NNT: variants seen among roughly 807,000 people sequenced by gnomAD.
The protein encoded by NNT is NAD(P) transhydrogenase, mitochondrial.
In NNT, 50 loss-of-function variants were observed where a neutral mutation model predicts 104.8. That is an observed-to-expected ratio of 0.48 (90% confidence interval 0.38 to 0.60). The LOEUF (loss-of-function observed/expected upper bound fraction) is 0.60. Ranked by LOEUF, NNT falls within the 20% of genes least tolerant of loss-of-function variation. NNT has a pLI of 0.00. For missense variants in NNT, 1,131 were observed against 1,330.7 expected (o/e 0.85, Z 2.33); for synonymous variants, 461 against 490.4 (o/e 0.94, Z 0.79).
At chr5:43,692,470 C>T (rs1260926750) in intron 19 of NNT, among the ~76,000 whole-genome samples, 1 of 152,114 alleles carries the variant, frequency 6.6e-6, no homozygotes, top group African/African-American at 2.4e-5. Context: ...GTTACAGGCA[C>T]CCACCACCAT....
At chr5:43,641,594 A>G (rs1751244386) in intron 7 of NNT, among the ~76,000 whole-genome samples, 1 of 152,148 alleles carries the variant, frequency 6.6e-6, no homozygotes, top group Non-Finnish European at 1.5e-5. Flanking sequence ...GTATATATAA[A>G]TGAGAAACAT....
intron 17 of NNT, among the ~76,000 whole-genome samples, chr5:43,667,589 A>T (rs1465712596): frequency 2.0e-5 from 3 of 152,184 alleles, no homozygotes; most frequent in African/African-American, 7.2e-5. Context: ...CCTACAAAGG[A>T]CATGAACTCA....
chr5:43,675,800 T>C (rs1401427954), intron 18 of NNT, 130 bp downstream of exon 18: 1 of 673,126 alleles, frequency 1.5e-6, no homozygotes, highest in African/African-American at 1.9e-5. Context: ...CAATAGCAAA[T>C]CTATGATTAC....
rs138669858 is a variant in NNT, at chr5:43,645,443, A to G, written c.1377A>G (p.Glu459=). The change falls in exon 10 of 22, where the codon GAA becomes GAG. Residue 459 remains glutamate, a synonymous_variant. Coordinates refer to ENST00000344920, the MANE Select transcript of NNT (RefSeq NM_182977.3). ...AACAGAAGACAGTGGCTGAGCTGGA[A>G]GCTGAAAAAGCAGCTACCATTACAC... ...PVKQKTVAEL[E]AEKAATITPF... 195 of 1,576,014 alleles carry G rather than the reference A, an allele frequency of 1.2e-4. No homozygotes were observed. Among genetic ancestry groups the G allele is most frequent in the Admixed American group, 3.9e-4 (22 of 56,110 alleles).
chr5:43,625,548 A>G (rs973942359), intron 6 of NNT, among the ~76,000 whole-genome samples: 2 of 152,114 alleles, frequency 1.3e-5, no homozygotes, highest in African/African-American at 4.8e-5. Flanking sequence ...ATTGGAAAAC[A>G]TACTTGATTT....
chr5:43,666,658 T>G, intron 17 of NNT: 2 of 610,434 alleles, frequency 3.3e-6, no homozygotes, highest in Non-Finnish European at 5.6e-6. Flanking sequence ...GCCTCAGGTT[T>G]ATTTGTACAA....
intron 1 of NNT, among the ~76,000 whole-genome samples, chr5:43,604,592 A>T (rs895507653): frequency 1.3e-5 from 2 of 152,172 alleles, no homozygotes; most frequent in African/African-American, 4.8e-5. Flanking sequence ...GTGTTGTGCA[A>T]AGCACTGGGG....
intron 5 of NNT, among the ~76,000 whole-genome samples, chr5:43,623,806 CT>C (rs1309676283): frequency 2.0e-5 from 3 of 152,090 alleles, no homozygotes; most frequent in African/African-American, 7.2e-5. Context: ...TGTTGTTGGC[CT>C]TTGCTAGCAG....
intron 1 of NNT, among the ~76,000 whole-genome samples, 158 bp from the exon 2 acceptor site, chr5:43,608,985 A>C (rs192020583): frequency 3.3e-5 from 5 of 152,368 alleles, no homozygotes; most frequent in Admixed American, 3.3e-4. Flanking sequence ...AGCATCTTCT[A>C]TAAGTAAGGA....
At chr5:43,684,838 A>G (rs574086371) in intron 19 of NNT, among the ~76,000 whole-genome samples, 8 of 152,324 alleles carry the variant, frequency 5.3e-5, no homozygotes, top group African/African-American at 1.7e-4. Flanking sequence ...CAGGGAGTCT[A>G]TCATATTTTT....
Position 43,609,192 on chromosome 5 carries a change from C to A in NNT, c.-4C>A. On this transcript the variant is annotated 5_prime_UTR_variant, in exon 2 of 22. Coordinates refer to ENST00000344920, the MANE Select transcript of NNT (RefSeq NM_182977.3). ...GAGTCAGAAAATTGGGAACTCATAT[C>A]AACATGGCAAACCTATTGAAAACAG... 1.2e-6 allele frequency: 2 copies of A among 1,610,348 alleles called. No individual in the cohort carries two copies. Among genetic ancestry groups the A allele is most frequent in the Non-Finnish European group, 1.7e-6 (2 of 1,178,452 alleles).
At chr5:43,607,919 C>T (rs967818368) in intron 1 of NNT, among the ~76,000 whole-genome samples, 4 of 146,182 alleles carry the variant, frequency 2.7e-5, no homozygotes, top group Admixed American at 2.0e-4. Context: ...AATTCTAAGT[C>T]CTTGGCTGCT....
intron 17 of NNT, among the ~76,000 whole-genome samples, chr5:43,670,197 G>C (rs1300640861): frequency 6.6e-6 from 1 of 151,874 alleles, no homozygotes; most frequent in Admixed American, 6.6e-5. Flanking sequence ...TCTTGCTAGT[G>C]GTCTATCAAT....
At chr5:43,670,137 T>A (rs1178727540) in intron 17 of NNT, among the ~76,000 whole-genome samples, 2 of 152,178 alleles carry the variant, frequency 1.3e-5, no homozygotes, top group Admixed American at 1.3e-4. Flanking sequence ...ATTCTCCTTA[T>A]CATTTTTTAT....
intron 5 of NNT, among the ~76,000 whole-genome samples, chr5:43,620,919 A>G (rs1750051119): frequency 6.6e-6 from 1 of 152,242 alleles, no homozygotes; most frequent in South Asian, 2.1e-4. Flanking sequence ...AAAAGATATT[A>G]AAAAGTGAAA....
intron 2 of NNT, among the ~76,000 whole-genome samples, chr5:43,610,035 C>T (rs1393923962): frequency 6.6e-6 from 1 of 152,094 alleles, no homozygotes; most frequent in Non-Finnish European, 1.5e-5. Context: ...CTCCTCAATT[C>T]AAAATTTGCC....
chr5:43,667,751 A>G (rs1221935628), intron 17 of NNT, among the ~76,000 whole-genome samples: 4 of 152,328 alleles, frequency 2.6e-5, no homozygotes, highest in African/African-American at 9.6e-5. Context: ...TCTTTATAGC[A>G]GCATGATTTA....
intron 17 of NNT, among the ~76,000 whole-genome samples, chr5:43,664,901 T>C (rs1386192790): frequency 4.6e-5 from 7 of 152,232 alleles, no homozygotes; most frequent in African/African-American, 1.7e-4. Flanking sequence ...TGTGGATACA[T>C]GTTTAACAAG....
chr5:43,655,748 G>C (rs776243144), intron 14 of NNT, 92 bp from the exon 15 acceptor site: 154 of 859,846 alleles, frequency 1.8e-4, no homozygotes, highest in Middle Eastern at 4.7e-4. Context: ...ATTTATTTGT[G>C]ACAATGGTGG....
Sources: allele counts gnomAD v4.1 joint callset (sites outside exome capture counted in the v4.1 genomes callset), GRCh38; gene constraint gnomAD v4.1.1; transcripts MANE v1.5; gene names NCBI Gene and HGNC (gene_info 2026-07-23, HGNC 2026-07-21).